The following KALRN variants were observed in gnomAD, a reference collection of about 807,000 sequenced individuals.
KALRN encodes kalirin.
Under a neutral mutation model 353.7 loss-of-function variants are expected in KALRN, and 70 were observed. The observed-to-expected ratio is 0.20, with a 90% confidence interval of 0.16 to 0.24. The LOEUF (loss-of-function observed/expected upper bound fraction) is 0.24. Ranked by LOEUF, KALRN falls within the 10% of genes least tolerant of loss-of-function variation. The probability of loss-of-function intolerance (pLI) is 1.00; values close to 1 mark genes in which losing one functional copy is unlikely to be tolerated. For missense variants in KALRN, 2,791 were observed against 3,756.7 expected (o/e 0.74, Z 6.72); for synonymous variants, 1,391 against 1,434.8 (o/e 0.97, Z 0.69).
At chr3:124,226,207 GA>G (rs1204189076) in intron 1 of KALRN, among the ~76,000 whole-genome samples, 1 of 151,676 alleles carries the variant, frequency 6.6e-6, no homozygotes, top group East Asian at 1.9e-4. Context: ...GCATGAGGAT[GA>G]AAAAAAATAC....
intron 51 of KALRN, among the ~76,000 whole-genome samples, chr3:124,691,106 G>A (rs770299911): frequency 5.3e-5 from 8 of 152,156 alleles, no homozygotes; most frequent in Non-Finnish European, 1.2e-4. Context: ...AGGTTCGACC[G>A]TGCTGTATTT....
At chr3:124,544,839 A>G (rs1577867372) in intron 33 of KALRN, among the ~76,000 whole-genome samples, 2 of 152,324 alleles carry the variant, frequency 1.3e-5, no homozygotes, top group East Asian at 3.9e-4. Context: ...TTAATCAATT[A>G]GTATGGAAAC....
Position 124,511,259 on chromosome 3 carries a change from C to T in KALRN, c.4935+14846C>T, listed in dbSNP as rs371841358. Among the ~76,000 whole-genome samples, 8 of 152,286 alleles carry T rather than the reference C, an allele frequency of 5.3e-5. No homozygotes were observed. The East Asian group carries it at 7.7e-4, about 15-fold the overall frequency. On this transcript the variant is annotated intron_variant, in intron 33 of 59. Transcript: ENST00000682506. ...TGAGTTGAACACTCTCTGTTCCTAG[C>T]GCTTGCCTTTCACCCTGGGATCCAG...
At chr3:124,557,105 G>A (rs991199987) in intron 33 of KALRN, among the ~76,000 whole-genome samples, 23 of 151,950 alleles carry the variant, frequency 1.5e-4, no homozygotes, top group African/African-American at 4.8e-4. Context: ...AGATTCAAGG[G>A]TTACACATGC....
chr3:124,320,034 G>A (rs996963843), intron 6 of KALRN, among the ~76,000 whole-genome samples: 3 of 152,114 alleles, frequency 2.0e-5, no homozygotes, highest in Admixed American at 2.0e-4. Flanking sequence ...ATAACTGGTA[G>A]TATTTGGGTG....
chr3:124,107,630 CT>C (rs1330500027), intron 1 of KALRN, among the ~76,000 whole-genome samples: 1 of 152,208 alleles, frequency 6.6e-6, no homozygotes, highest in Non-Finnish European at 1.5e-5. Flanking sequence ...GGTGTTGACT[CT>C]TTCCCTGCCA....
intron 10 of KALRN, among the ~76,000 whole-genome samples, chr3:124,361,604 C>T (rs1434722650): frequency 1.3e-5 from 2 of 152,206 alleles, no homozygotes; most frequent in African/African-American, 2.4e-5. Flanking sequence ...AGAGAAGCAA[C>T]ATTAGCATTG....
At chr3:124,245,527 C>T (rs959132621) in intron 3 of KALRN, among the ~76,000 whole-genome samples, 8 of 144,272 alleles carry the variant, frequency 5.5e-5, no homozygotes, top group African/African-American at 1.9e-4. Flanking sequence ...CTGGATCATA[C>T]GGTAATTTTA....
chr3:124,715,261 T>A (rs2063083749), intron 58 of KALRN, among the ~76,000 whole-genome samples: 1 of 152,180 alleles, frequency 6.6e-6, no homozygotes, highest in South Asian at 2.1e-4. Flanking sequence ...GATCTCATTA[T>A]CCTGTTATGC....
At chr3:124,504,818 C>T in intron 33 of KALRN, 1 of 470,582 alleles carries the variant, frequency 2.1e-6, no homozygotes, top group Admixed American at 2.3e-5. Flanking sequence ...CCAGTTCAGC[C>T]CCACCACAGC....
intron 11 of KALRN, among the ~76,000 whole-genome samples, chr3:124,392,025 G>T (rs2089464592): frequency 6.6e-6 from 1 of 152,086 alleles, no homozygotes; most frequent in African/African-American, 2.4e-5. Context: ...ACTGGAGATG[G>T]CTTGCAACAA....
chr3:124,181,601 C>G (rs77909791), intron 1 of KALRN, among the ~76,000 whole-genome samples: 1 of 152,210 alleles, frequency 6.6e-6, no homozygotes, highest in African/African-American at 2.4e-5. Context: ...CAATCTTGCA[C>G]TTATCTGCCA....
chr3:124,391,842 T>C (rs763635849), intron 11 of KALRN, among the ~76,000 whole-genome samples: 4 of 152,214 alleles, frequency 2.6e-5, no homozygotes, highest in Non-Finnish European at 5.9e-5. Flanking sequence ...TTTAGAACTA[T>C]CAAGACTTTT....
At chr3:124,570,686 T>C (rs763957300) in intron 34 of KALRN, among the ~76,000 whole-genome samples, 27 of 152,208 alleles carry the variant, frequency 1.8e-4, no homozygotes, top group Admixed American at 2.0e-4. Flanking sequence ...TAAAGATAGA[T>C]GGAGAGAGTC....
chr3:124,507,862 G>T (rs923679242), intron 33 of KALRN, among the ~76,000 whole-genome samples: 2 of 152,162 alleles, frequency 1.3e-5, no homozygotes, highest in Non-Finnish European at 2.9e-5. Flanking sequence ...CTTTTTGAAA[G>T]ATAAATTTTG....
At chr3:124,520,122 G>C (rs2067039782) in intron 33 of KALRN, among the ~76,000 whole-genome samples, 1 of 151,996 alleles carries the variant, frequency 6.6e-6, no homozygotes, top group Admixed American at 6.6e-5. Flanking sequence ...GGAGTGTGGT[G>C]GGGGGAAGGC....
chr3:124,528,729 T>C (rs550950509), intron 33 of KALRN, among the ~76,000 whole-genome samples: 47 of 152,322 alleles, frequency 3.1e-4, no homozygotes, highest in Non-Finnish European at 5.4e-4. Flanking sequence ...AAAATTAGTC[T>C]AAGATGGCAT....
chr3:124,322,919 C>G (rs1053852000), intron 6 of KALRN, among the ~76,000 whole-genome samples: 3 of 152,076 alleles, frequency 2.0e-5, no homozygotes, highest in African/African-American at 7.2e-5. Flanking sequence ...ATGTGACTTG[C>G]CTGAAGTGTT....
chr3:124,071,214 G>A (rs2060003694), intron 1 of KALRN, among the ~76,000 whole-genome samples: 1 of 152,168 alleles, frequency 6.6e-6, no homozygotes. Flanking sequence ...CCTGGTGGGT[G>A]ACTTCTGTAA....
Sources: allele counts gnomAD v4.1 joint callset (sites outside exome capture counted in the v4.1 genomes callset), GRCh38; gene constraint gnomAD v4.1.1; transcripts MANE v1.5; gene names NCBI Gene and HGNC (gene_info 2026-07-23, HGNC 2026-07-21).